The following ATF7IP2 variants were observed in gnomAD, a reference collection of about 807,000 sequenced individuals.
The protein encoded by ATF7IP2 is activating transcription factor 7 interacting protein 2.
A neutral mutation model predicts 64.2 loss-of-function variants in ATF7IP2; 42 were observed. The observed-to-expected ratio is 0.65, with a 90% confidence interval of 0.51 to 0.85. The LOEUF is 0.85. Ranked by LOEUF, ATF7IP2 falls within the 40% of genes least tolerant of loss-of-function variation. The probability of loss-of-function intolerance (pLI) is 0.00; values close to 1 mark genes in which losing one functional copy is unlikely to be tolerated. For synonymous variants in ATF7IP2, 308 were observed against 272.8 expected, an observed-to-expected ratio of 1.13 and a Z score of -1.27; for missense variants, 933 against 784.2, an observed-to-expected ratio of 1.19 and a Z score of -2.27.
intron 6 of ATF7IP2, among the ~76,000 whole-genome samples, chr16:10,437,604 T>A (rs2048465679): frequency 6.6e-6 from 1 of 152,194 alleles, no homozygotes; most frequent in Non-Finnish European, 1.5e-5. Flanking sequence ...TCAAAAATAA[T>A]GTGACTGACT....
At chr16:10,386,472 G>C (rs1449899385) in intron 1 of ATF7IP2, 3 of 152,222 alleles carry the variant, frequency 2.0e-5, no homozygotes, top group East Asian at 3.8e-4. Flanking sequence ...GCTCGCTCTT[G>C]TCCGGAATGC....
intron 1 of ATF7IP2, among the ~76,000 whole-genome samples, chr16:10,406,975 G>A (rs1262909801): frequency 6.6e-6 from 1 of 152,082 alleles, no homozygotes; most frequent in Non-Finnish European, 1.5e-5. Context: ...ACCAATATGA[G>A]TATTGATGTA....
chr16:10,399,033 A>C (rs181579913), intron 1 of ATF7IP2, among the ~76,000 whole-genome samples: 43 of 152,242 alleles, frequency 2.8e-4, no homozygotes, highest in African/African-American at 9.9e-4. Flanking sequence ...GAATCGCTTG[A>C]ACCCGTGAGG....
intron 2 of ATF7IP2, among the ~76,000 whole-genome samples, chr16:10,416,796 CA>C (rs995162794): frequency 6.6e-6 from 1 of 151,378 alleles, no homozygotes; most frequent in Non-Finnish European, 1.5e-5. Context: ...GACTCTGTCT[CA>C]AAAAAAAGTA....
chr16:10,473,616 T>C (rs2049888842), intron 11 of ATF7IP2, 82 bp downstream of exon 11: 2 of 1,034,308 alleles, frequency 1.9e-6, no homozygotes, highest in Non-Finnish European at 2.9e-6. Flanking sequence ...ACATGTTGGA[T>C]GATTTAGTTT....
intron 1 of ATF7IP2, among the ~76,000 whole-genome samples, chr16:10,401,515 T>C (rs951723100): frequency 2.6e-5 from 4 of 152,166 alleles, no homozygotes; most frequent in African/African-American, 9.7e-5. Flanking sequence ...AGTATGTTGT[T>C]TAGGATTATT....
intron 1 of ATF7IP2, among the ~76,000 whole-genome samples, chr16:10,393,050 C>T (rs1037429821): frequency 9.3e-5 from 14 of 151,314 alleles, no homozygotes; most frequent in Admixed American, 9.2e-4. Flanking sequence ...TGGCTCACAC[C>T]TGTAATTCCA....
chr16:10,387,824 T>TCCCCCCCCCCCCCC (rs5815573), intron 1 of ATF7IP2: 19 of 130,580 alleles, frequency 1.5e-4, no homozygotes, highest in African/African-American at 2.7e-4. Context: ...TCTATTTTAC[T>TCCCCCCCCCCCCCC]CCCCCCCCCT....
chr16:10,413,724 C>A (rs569288045), intron 1 of ATF7IP2, among the ~76,000 whole-genome samples: 2 of 152,240 alleles, frequency 1.3e-5, no homozygotes, highest in Admixed American at 1.3e-4. Flanking sequence ...ACAGTGTTAG[C>A]TTGGTAGTGA....
chr16:10,394,557 A>G (rs1030719900), intron 1 of ATF7IP2, among the ~76,000 whole-genome samples: 2 of 152,222 alleles, frequency 1.3e-5, no homozygotes, highest in East Asian at 1.9e-4. Context: ...AGTCCACCCA[A>G]CAACAGCAGA....
chr16:10,453,822 G>A (rs2049072078), intron 8 of ATF7IP2, among the ~76,000 whole-genome samples: 2 of 151,932 alleles, frequency 1.3e-5, no homozygotes, highest in Non-Finnish European at 2.9e-5. Context: ...TCTCCATGTT[G>A]GTCAGGCTGG....
chr16:10,420,654 A>C (rs999144945), intron 3 of ATF7IP2, among the ~76,000 whole-genome samples: 4 of 152,246 alleles, frequency 2.6e-5, no homozygotes, highest in Non-Finnish European at 1.5e-5. Context: ...AAAAGGGTGC[A>C]TTCTACTCCT....
intron 2 of ATF7IP2, among the ~76,000 whole-genome samples, chr16:10,415,353 A>C (rs1283478493): frequency 6.6e-6 from 1 of 152,218 alleles, no homozygotes; most frequent in Non-Finnish European, 1.5e-5. Flanking sequence ...TGTTTGACAA[A>C]GATGTCAAGA....
At chr16:10,453,685 T>TC (rs2049064764) in intron 8 of ATF7IP2, among the ~76,000 whole-genome samples, 1 of 152,170 alleles carries the variant, frequency 6.6e-6, no homozygotes, top group African/African-American at 2.4e-5. Flanking sequence ...TGGCACAATC[T>TC]CAGCTCATCG....
intron 5 of ATF7IP2, 80 bp from the exon 6 acceptor site, chr16:10,433,445 G>T: frequency 1.5e-6 from 2 of 1,340,078 alleles, no homozygotes; most frequent in Non-Finnish European, 2.1e-6. Context: ...AGAGTGCTGG[G>T]ATTACAGACA....
intron 8 of ATF7IP2, among the ~76,000 whole-genome samples, chr16:10,450,640 C>CT (rs1055851153): frequency 2.4e-4 from 35 of 147,842 alleles, no homozygotes; most frequent in South Asian, 6.5e-4. Context: ...GCAACCCCTG[C>CT]TTTTTTTTTT....
chr16:10,417,662 T>C (rs74009332), intron 2 of ATF7IP2, among the ~76,000 whole-genome samples: 6,451 of 152,080 alleles, frequency 0.042, 485 homozygotes, highest in African/African-American at 0.15. Flanking sequence ...TAGACAGAAA[T>C]TGATAATCTG....
chr16:10,425,670 C>A (rs2044289), intron 3 of ATF7IP2, among the ~76,000 whole-genome samples: 2,505 of 152,044 alleles, frequency 0.016, 76 homozygotes, highest in African/African-American at 0.057. Context: ...GAGGTGGGCA[C>A]ATCACCTGAG....
In ATF7IP2 at chr16:10,431,384, G is replaced by T; in HGVS notation, c.764G>T (p.Ser255Ile). ...ADDILKTDEC[S>I]RTSISNCESA... ...GACATTTTGAAAACTGATGAGTGTA[G>T]TAGAACCAGTATTTCAAATTGTGAA... The change falls in exon 5 of 14, where the codon AGT becomes ATT. Residue 255 changes from serine to isoleucine, a missense_variant. Transcript: ENST00000562102. The T allele has an allele frequency of 6.2e-7, 1 of 1,613,174 alleles. No homozygotes were observed. Among genetic ancestry groups the T allele is most frequent in the Non-Finnish European group, 8.5e-7 (1 of 1,179,278 alleles).
Sources: gnomAD v4.1 joint callset for allele counts (sites outside exome capture counted in the v4.1 genomes callset) on GRCh38, gnomAD v4.1.1 for gene constraint, MANE v1.5 for transcripts, NCBI Gene and HGNC (gene_info 2026-07-23, HGNC 2026-07-21) for gene names.